The following ATXN3 variants were observed in gnomAD, a reference collection of about 807,000 sequenced individuals.
ATXN3 encodes ataxin 3.
In ATXN3, 28 loss-of-function variants were observed where a neutral mutation model predicts 58.2. The observed-to-expected ratio is 0.48, with a 90% confidence interval of 0.36 to 0.66. ATXN3 has a LOEUF of 0.66. ATXN3 is among the 30% of genes least tolerant of loss of function. The pLI is 0.00. For missense variants in ATXN3, 321 were observed against 422.1 expected, an observed-to-expected ratio of 0.76 and a Z score of 2.10; for synonymous variants, 113 against 138.5, an observed-to-expected ratio of 0.82 and a Z score of 1.29.
intron 1 of ATXN3, 107 bp downstream of exon 1, chr14:92,106,422 G>A: frequency 6.9e-7 from 1 of 1,451,398 alleles, no homozygotes. Flanking sequence ...GGCGAGATCG[G>A]CATGGGGGCG....
chr14:92,093,863 T>TAAAC, intron 3 of ATXN3, 32 bp from the exon 4 acceptor site: 1 of 1,324,870 alleles, frequency 7.5e-7, no homozygotes. Context: ...TTTCATAAGC[T>TAAAC]AAACCACTCC....
chr14:92,093,315 A>C lies in ATXN3; in HGVS notation c.324T>G (p.Asn108Lys). The change falls in exon 5 of 11, where the codon AAT (asparagine) becomes AAG (lysine). Residue 108 changes from asparagine (N) to lysine (K), a missense_variant. Asn to Lys is a moderately conservative substitution (Grantham distance 94). Transcript: ENST00000644486. Reference protein sequence around the residue: ...EYQRLRIDPINERSFICNYKE... With the variant: ...EYQRLRIDPIKERSFICNYKE... ...TATAATTGCATATAAATGATCTTTC[A>C]TTTCTAAAAAAGAAAACAGACAATA... 1 of 1,406,180 alleles carries C rather than the reference A, an allele frequency of 7.1e-7. No homozygotes were observed. The highest frequency in any genetic ancestry group is 9.9e-7 in the Non-Finnish European group (1 of 1,006,714). The allele number at this position is 1,406,180 out of a possible 1,614,324, so 87.1% of individuals were successfully genotyped here.
intron 1 of ATXN3, among the ~76,000 whole-genome samples, chr14:92,097,179 G>C (rs140908230): frequency 2.0e-5 from 3 of 151,566 alleles, no homozygotes; most frequent in African/African-American, 7.3e-5. Context: ...AAAGTGCTGG[G>C]ATTACAGGCG....
chr14:92,103,763 G>A (rs1033432227), intron 1 of ATXN3, among the ~76,000 whole-genome samples: 52 of 152,212 alleles, frequency 3.4e-4, no homozygotes, highest in African/African-American at 1.1e-3. Context: ...TACTCAGAAA[G>A]AGGAAACCAA....
At chr14:92,096,035 G>T in intron 3 of ATXN3, 58 bp downstream of exon 3, 1 of 1,338,894 alleles carries the variant, frequency 7.5e-7, no homozygotes, top group Non-Finnish European at 1.1e-6. Context: ...CTATTGAAAG[G>T]CTGTGAAACG....
At chr14:92,091,272 G>A (rs887948021) in intron 5 of ATXN3, among the ~76,000 whole-genome samples, 27 of 152,084 alleles carry the variant, frequency 1.8e-4, no homozygotes, top group African/African-American at 6.3e-4. Context: ...CCAACATGGC[G>A]AAACCCCGTC....
intron 1 of ATXN3, among the ~76,000 whole-genome samples, chr14:92,048,868 G>GTGGA (rs1372085927): frequency 1.3e-5 from 2 of 152,144 alleles, no homozygotes; most frequent in African/African-American, 4.8e-5. Context: ...GGAGCTTGGG[G>GTGGA]TGGAGACTGA....
At chr14:92,096,383 G>T in intron 2 of ATXN3, 5 of 1,231,662 alleles carry the variant, frequency 4.1e-6, no homozygotes, top group Non-Finnish European at 5.5e-6. Flanking sequence ...CCAGCACTTT[G>T]GGAGGCCAAG....
chr14:92,085,487 C>T (rs1021212229), intron 6 of ATXN3, among the ~76,000 whole-genome samples: 1 of 150,798 alleles, frequency 6.6e-6, no homozygotes, highest in African/African-American at 2.4e-5. Flanking sequence ...CCAAGCCCGG[C>T]CTAAGACTTC....
chr14:92,078,132 G>C (rs922301953), intron 9 of ATXN3, among the ~76,000 whole-genome samples: 1 of 150,126 alleles, frequency 6.7e-6, no homozygotes, highest in African/African-American at 2.5e-5. Flanking sequence ...CCATCATCAT[G>C]CCTGGCTAAT....
intron 6 of ATXN3, among the ~76,000 whole-genome samples, chr14:92,086,289 G>T (rs187682177): frequency 2.7e-5 from 4 of 147,234 alleles, no homozygotes; most frequent in African/African-American, 1.0e-4. Context: ...GGGGCCAGGC[G>T]CAGTGGCTCA....
chr14:92,092,019 T>C (rs1016278013), intron 5 of ATXN3, among the ~76,000 whole-genome samples: 1 of 152,086 alleles, frequency 6.6e-6, no homozygotes, highest in Admixed American at 6.5e-5. Flanking sequence ...CACATTTGTA[T>C]ACTGTACTCC....
chr14:92,079,502 T>C (rs2061048584), intron 9 of ATXN3: 1 of 889,528 alleles, frequency 1.1e-6, no homozygotes, highest in Non-Finnish European at 1.3e-6. Flanking sequence ...GGTAAATATT[T>C]TCTTCATTAT....
Position 92,070,939 on chromosome 14 carries a change from A to C in ATXN3, c.987T>G (p.Asp329Glu). 2.5e-6 allele frequency: 4 copies of C among 1,610,186 alleles called. No individual in the cohort carries two copies. Among genetic ancestry groups the C allele is most frequent in the Non-Finnish European group, 3.4e-6 (4 of 1,179,172 alleles). ...TGAATGGTGAGCAGGCCTTACCTAGATCACTCCCAAGTGCTCCTGAACTGG... is the reference window on the plus strand; with the variant it reads ...TGAATGGTGAGCAGGCCTTACCTAGCTCACTCCCAAGTGCTCCTGAACTGG... ...PATSSGALGSDLGDAMSEEDM... is the reference protein window; with the variant it reads ...PATSSGALGSELGDAMSEEDM... The change falls in exon 10 of 11, where the codon GAT becomes GAG. Residue 329 changes from aspartate (D) to glutamate (E), a missense_variant. Physicochemically the swap from Asp to Glu is conservative, Grantham distance 45. Coordinates refer to ENST00000644486, the MANE Select transcript of ATXN3 (RefSeq NM_004993.6).
exon 2 of ATXN3, chr14:92,047,897 C>T (rs1012252229): frequency 6.6e-6 from 1 of 152,206 alleles, no homozygotes; most frequent in Non-Finnish European, 1.5e-5. Flanking sequence ...TGGACCTACC[C>T]TCTACTGTAA....
chr14:92,085,394 G>T (rs2062223696), intron 6 of ATXN3, among the ~76,000 whole-genome samples: 1 of 151,886 alleles, frequency 6.6e-6, no homozygotes, highest in East Asian at 1.9e-4. Context: ...CACCATGTTG[G>T]CCAGGCTGGT....
At chr14:92,094,801 C>T (rs891428091) in intron 3 of ATXN3, among the ~76,000 whole-genome samples, 1 of 152,160 alleles carries the variant, frequency 6.6e-6, no homozygotes. Context: ...AAATAGGAAA[C>T]GCCAAGTGCT....
chr14:92,056,036 C>T (rs1392232436), downstream of ATXN3, among the ~76,000 whole-genome samples: 1 of 152,184 alleles, frequency 6.6e-6, no homozygotes, highest in Non-Finnish European at 1.5e-5. Flanking sequence ...TGCCCCTGTG[C>T]AGAATTCAAA....
At chr14:92,054,710 C>T (rs927683294), downstream of ATXN3, among the ~76,000 whole-genome samples, 1 of 152,084 alleles carries the variant, frequency 6.6e-6, no homozygotes, top group African/African-American at 2.4e-5. Flanking sequence ...TTCAAGAACC[C>T]TCTCTTGGGG....
Sources: allele counts gnomAD v4.1 joint callset (sites outside exome capture counted in the v4.1 genomes callset), GRCh38; gene constraint gnomAD v4.1.1; transcripts MANE v1.5; gene names NCBI Gene and HGNC (gene_info 2026-07-23, HGNC 2026-07-21).